Variants in PTGER3 observed in about 807,000 individuals in gnomAD.
PTGER3 encodes the protein prostaglandin E receptor 3.
PTGER3 carries 22 observed loss-of-function variants against 34.7 expected under a neutral mutation model. That is an observed-to-expected ratio of 0.63 (90% confidence interval 0.45 to 0.91). The LOEUF (loss-of-function observed/expected upper bound fraction) is 0.91. PTGER3 is among the 40% of genes least tolerant of loss of function. The probability of loss-of-function intolerance (pLI) is 0.00; values close to 1 mark genes in which losing one functional copy is unlikely to be tolerated. For missense variants in PTGER3, 468 were observed against 519.4 expected, an observed-to-expected ratio of 0.90 and a Z score of 0.96; for synonymous variants, 241 against 230.1, an observed-to-expected ratio of 1.05 and a Z score of -0.43.
At chr1:70,941,945 G>A (rs1034866853) in intron 4 of PTGER3, among the ~76,000 whole-genome samples, 1 of 151,966 alleles carries the variant, frequency 6.6e-6, no homozygotes, top group African/African-American at 2.4e-5. Context: ...AAATTTATAA[G>A]AACCCAAACT....
intron 4 of PTGER3, among the ~76,000 whole-genome samples, chr1:70,857,557 A>G (rs1645835029): frequency 6.6e-6 from 1 of 151,930 alleles, no homozygotes; most frequent in African/African-American, 2.4e-5. Context: ...TTATTTAGAG[A>G]CAGAGTCTCA....
intron 3 of PTGER3, 98 bp from the exon 4 acceptor site, chr1:70,971,831 T>G: frequency 2.5e-6 from 2 of 796,994 alleles, no homozygotes; most frequent in South Asian, 4.6e-5. Flanking sequence ...AAGTAATAAA[T>G]TTGTTTGCTT....
At chr1:70,982,235 A>G (rs1205516791) in intron 2 of PTGER3, among the ~76,000 whole-genome samples, 1 of 152,170 alleles carries the variant, frequency 6.6e-6, no homozygotes, top group Non-Finnish European at 1.5e-5. Flanking sequence ...TACCAGGTAT[A>G]TTTTACAATA....
At chr1:70,963,980 C>T (rs1652240579) in intron 2 of PTGER3, among the ~76,000 whole-genome samples, 1 of 152,148 alleles carries the variant, frequency 6.6e-6, no homozygotes, top group African/African-American at 2.4e-5. Flanking sequence ...TTCAAAGTTC[C>T]ACATATATCT....
chr1:70,854,855 G>T (rs1195522439), intron 4 of PTGER3, among the ~76,000 whole-genome samples: 1 of 152,178 alleles, frequency 6.6e-6, no homozygotes, highest in Admixed American at 6.6e-5. Flanking sequence ...TGGAGAAATT[G>T]CAATTCTTGT....
chr1:71,025,566 C>T (rs1258915541), intron 1 of PTGER3, among the ~76,000 whole-genome samples: 1 of 152,104 alleles, frequency 6.6e-6, no homozygotes, highest in Non-Finnish European at 1.5e-5. Flanking sequence ...GATTCTAGCA[C>T]TCCTTGCTTA....
intron 1 of PTGER3, among the ~76,000 whole-genome samples, chr1:71,019,001 G>A (rs1011625546): frequency 2.6e-5 from 4 of 152,252 alleles, no homozygotes; most frequent in Admixed American, 6.5e-5. Context: ...CCAAATGGCA[G>A]CAGAGATGAA....
Position 71,012,316 on chromosome 1 carries a change from T to C in PTGER3, c.1066A>G (p.Lys356Glu), listed in dbSNP as rs1657518000. 4.3e-6 allele frequency: 7 copies of C among 1,614,040 alleles called. No individual in the cohort carries two copies. The South Asian group carries it at 6.6e-5, about 15-fold the overall frequency. The change falls in exon 2 of 4, where the codon AAG becomes GAG. Residue 356 changes from lysine to glutamate, a missense_variant. Around this residue, in one of 5 missense-constraint regions of PTGER3, gnomAD observed 57 missense variants for 43.8 expected, o/e 1.30. Transcript: ENST00000306666. Reference protein sequence around the residue: ...YLLLRKILLRKFCQIRYHTNN... With the variant: ...YLLLRKILLREFCQIRYHTNN... ...ACAGCATTTGCTACCTGGCAAAACT[T>C]TCGAAGAAGGATCTTTCTTAACAGC...
In PTGER3 at chr1:70,978,137, C is replaced by T. The variant is rs531525275; in HGVS notation, c.1078-3749G>A. ...AAATGCCAGCAGTCTAGTTCCAAAA[C>T]ACATGTCCTAACCACACTCTACTGC... is the stretch of plus-strand genomic sequence containing the variant. On this transcript the variant is annotated intron_variant, in intron 2 of 3. Coordinates refer to ENST00000306666, the MANE Select transcript of PTGER3 (RefSeq NM_198719.2). 3.9e-5 allele frequency among the ~76,000 whole-genome samples: 6 copies of T among 152,256 alleles called. No homozygotes were observed. In the South Asian group the frequency reaches 1.2e-3, roughly 32 times the overall value.
chr1:70,898,991 A>C (rs552877852), intron 4 of PTGER3, among the ~76,000 whole-genome samples: 18 of 146,910 alleles, frequency 1.2e-4, no homozygotes, highest in Non-Finnish European at 2.4e-4. Flanking sequence ...GCCTGGTGTA[A>C]TAATACTCAC....
At chr1:70,997,701 G>A (rs927829083) in intron 2 of PTGER3, among the ~76,000 whole-genome samples, 2 of 151,976 alleles carry the variant, frequency 1.3e-5, no homozygotes, top group South Asian at 2.1e-4. Context: ...TTGAGATTAG[G>A]GTCAACAACA....
In PTGER3 at chr1:70,885,809, T is replaced by C. The variant is rs571257802; in HGVS notation, c.*24-32950A>G. 5.1e-4 allele frequency among the ~76,000 whole-genome samples: 78 copies of C among 152,246 alleles called. 1 individual carries two copies. In the South Asian group the frequency reaches 0.015, roughly 30 times the overall value. ...TATTACAGTTGTGTACAACATGCAA[T>C]GCAAACCAAATGGAGAGAGGAATAA... On this transcript the variant is annotated intron_variant, in intron 4 of 4. Transcript: ENST00000370931.
Position 70,853,996 on chromosome 1 carries a change from C to T in PTGER3, c.*24-1137G>A, listed in dbSNP as rs78785290. Among the ~76,000 whole-genome samples, 2,289 of 152,184 alleles carry T rather than the reference C, an allele frequency of 0.015. 134 individuals carry two copies. In the East Asian group the frequency reaches 0.22, roughly 15 times the overall value. ...ACTCAAAATGAATTAAAGACCTAGG[C>T]ATAAGACCTTAAAATATAAAACTAT... On this transcript the variant is annotated intron_variant, in intron 4 of 4. Transcript: ENST00000370931.
chr1:71,037,884 G>A (rs2100980020), intron 1 of PTGER3, among the ~76,000 whole-genome samples: 1 of 152,242 alleles, frequency 6.6e-6, no homozygotes, highest in African/African-American at 2.4e-5. Context: ...ACAAGTCGGG[G>A]GTCACTTAAT....
chr1:70,877,618 A>G (rs1292471276), intron 4 of PTGER3, among the ~76,000 whole-genome samples: 2 of 152,110 alleles, frequency 1.3e-5, no homozygotes, highest in South Asian at 2.1e-4. Context: ...ATTTTGAAAT[A>G]TGTTCCTCCA....
At chr1:70,974,175 T>G in intron 3 of PTGER3, 122 bp downstream of exon 3, 2 of 1,356,208 alleles carry the variant, frequency 1.5e-6, no homozygotes, top group Non-Finnish European at 2.0e-6. Context: ...CTTAATCAGA[T>G]GTATATGTTT....
downstream of PTGER3, among the ~76,000 whole-genome samples, chr1:70,947,823 C>T (rs1037581802): frequency 6.6e-6 from 1 of 152,126 alleles, no homozygotes; most frequent in Non-Finnish European, 1.5e-5. Flanking sequence ...ACGTTCTATA[C>T]ACTTGTTTAT....
intron 4 of PTGER3, among the ~76,000 whole-genome samples, chr1:70,924,122 G>A (rs79410358): frequency 0.039 from 5,897 of 151,996 alleles, 411 homozygotes; most frequent in African/African-American, 0.14. Flanking sequence ...TACCCAACTT[G>A]TAGGTATCTG....
At chr1:70,888,889 C>T (rs558194231) in intron 4 of PTGER3, among the ~76,000 whole-genome samples, 1 of 152,190 alleles carries the variant, frequency 6.6e-6, no homozygotes, top group South Asian at 2.1e-4. Context: ...CTGGCACCCT[C>T]GTGGTATGAA....
Sources: allele counts gnomAD v4.1 joint callset (sites outside exome capture counted in the v4.1 genomes callset), GRCh38; gene constraint gnomAD v4.1.1; regional missense constraint gnomAD v4.1.1; transcripts MANE v1.5; gene names NCBI Gene and HGNC (gene_info 2026-07-23, HGNC 2026-07-21).